The following C10orf90 variants were observed in gnomAD, a reference collection of about 807,000 sequenced individuals.
C10orf90 encodes (E2-independent) E3 ubiquitin-conjugating enzyme FATS.
C10orf90 carries 56 observed loss-of-function variants against 62.5 expected under a neutral mutation model. The observed-to-expected ratio is 0.90, with a 90% CI of 0.72 to 1.12. The LOEUF (loss-of-function observed/expected upper bound fraction) is 1.12, where lower values mean the gene tolerates loss of function less well. C10orf90 is among the 50% of genes most tolerant of loss of function. The probability of loss-of-function intolerance (pLI) is 0.00; values close to 1 mark genes in which losing one functional copy is unlikely to be tolerated. For synonymous variants in C10orf90, 386 were observed against 340.4 expected, an observed-to-expected ratio of 1.13 and a Z score of -1.47; for missense variants, 970 against 880.4, an observed-to-expected ratio of 1.10 and a Z score of -1.29.
At chr10:126,602,931 T>C (rs188791688) in intron 2 of C10orf90, among the ~76,000 whole-genome samples, 1 of 151,768 alleles carries the variant, frequency 6.6e-6, no homozygotes, top group East Asian at 1.9e-4. Flanking sequence ...CACCTGCAGA[T>C]TGGCAACTCG....
At chr10:126,598,257 G>A (rs74158843) in intron 2 of C10orf90, among the ~76,000 whole-genome samples, 3,292 of 151,894 alleles carry the variant, frequency 0.022, 106 homozygotes, top group African/African-American at 0.074. Flanking sequence ...CCCTTCTCCA[G>A]CAGCTGTAGG....
intron 2 of C10orf90, among the ~76,000 whole-genome samples, chr10:126,584,312 G>A (rs558567095): frequency 6.0e-5 from 9 of 151,060 alleles, no homozygotes; most frequent in South Asian, 4.2e-4. Flanking sequence ...CCACCTGCTC[G>A]TCCATCTGCC....
chr10:126,542,427 C>T (rs1303635729), intron 2 of C10orf90, among the ~76,000 whole-genome samples: 1 of 152,012 alleles, frequency 6.6e-6, no homozygotes, highest in Non-Finnish European at 1.5e-5. Context: ...TGCTTGAACT[C>T]GGGAGGTGGA....
intron 2 of C10orf90, among the ~76,000 whole-genome samples, chr10:126,559,610 C>T (rs1864857060): frequency 6.6e-6 from 1 of 152,170 alleles, no homozygotes; most frequent in Non-Finnish European, 1.5e-5. Flanking sequence ...CCTTCTGCCT[C>T]CGCCTGGTTG....
intron 2 of C10orf90, among the ~76,000 whole-genome samples, chr10:126,637,449 A>C (rs1431004375): frequency 5.9e-5 from 9 of 152,150 alleles, no homozygotes; most frequent in African/African-American, 2.2e-4. Context: ...TGGCAAGCAA[A>C]ATCAGACAGG....
intron 2 of C10orf90, among the ~76,000 whole-genome samples, chr10:126,623,396 A>G (rs1845683292): frequency 6.6e-6 from 1 of 152,142 alleles, no homozygotes; most frequent in Non-Finnish European, 1.5e-5. Context: ...GTCTCTCAAC[A>G]TTACTTTATC....
intron 7 of C10orf90, among the ~76,000 whole-genome samples, chr10:126,440,318 C>A (rs1358629474): frequency 4.6e-5 from 7 of 152,128 alleles, no homozygotes. Context: ...GAGCCATAAT[C>A]CTCCTAGGTA....
chr10:126,479,102 C>T (rs956795502), intron 4 of C10orf90, among the ~76,000 whole-genome samples: 9 of 152,040 alleles, frequency 5.9e-5, no homozygotes, highest in African/African-American at 1.9e-4. Context: ...CCCGCTGTAC[C>T]GCAGGGTGTG....
intron 2 of C10orf90, among the ~76,000 whole-genome samples, chr10:126,565,437 T>TACACAC (rs71032507): frequency 1.4e-5 from 1 of 72,444 alleles, no homozygotes; most frequent in Admixed American, 2.3e-4. Context: ...ATATATATTA[T>TACACAC]ACACACACAC....
At chr10:126,661,306 G>T (rs560901060) in intron 1 of C10orf90, among the ~76,000 whole-genome samples, 2 of 152,126 alleles carry the variant, frequency 1.3e-5, no homozygotes, top group East Asian at 3.9e-4. Flanking sequence ...CAATTCCAAG[G>T]CTCAACCCTT....
At chr10:126,639,969 G>A (rs761159353) in intron 2 of C10orf90, among the ~76,000 whole-genome samples, 14 of 152,154 alleles carry the variant, frequency 9.2e-5, no homozygotes, top group Non-Finnish European at 1.2e-4. Context: ...GAAGCACAGC[G>A]GCTCTTCATA....
chr10:126,586,090 G>A (rs1844864900), intron 2 of C10orf90, among the ~76,000 whole-genome samples: 1 of 152,166 alleles, frequency 6.6e-6, no homozygotes, highest in Non-Finnish European at 1.5e-5. Context: ...CAAAATTTAA[G>A]TTGTTACATG....
intron 5 of C10orf90, among the ~76,000 whole-genome samples, chr10:126,462,915 T>C (rs1860078236): frequency 6.6e-6 from 1 of 152,216 alleles, no homozygotes; most frequent in Admixed American, 6.5e-5. Flanking sequence ...CTTTGGAGTC[T>C]CTACCAACAG....
chr10:126,600,180 CGTGTGTGTGCATCGCAT>C (rs1201932847), intron 2 of C10orf90, among the ~76,000 whole-genome samples: 2 of 152,062 alleles, frequency 1.3e-5, no homozygotes, highest in Non-Finnish European at 2.9e-5. Context: ...TGTGTGCACA[CGTGTGTGTGCATCGCAT>C]GTGTGTGCAG....
chr10:126,565,222 TATTACATATTATGTAATATAATATTTA>T (rs1477182581), intron 2 of C10orf90, among the ~76,000 whole-genome samples: 4,070 of 63,674 alleles, frequency 0.064, 661 homozygotes, highest in Middle Eastern at 0.1. Context: ...ATAATTTTTA[TATTACATATTATGTAATATAATATTTA>T]TTATATTATA....
intron 2 of C10orf90, among the ~76,000 whole-genome samples, chr10:126,589,012 A>C (rs1844929332): frequency 6.6e-6 from 1 of 152,232 alleles, no homozygotes; most frequent in South Asian, 2.1e-4. Flanking sequence ...GAGGAGCATA[A>C]CTGACCTGAT....
intron 7 of C10orf90, among the ~76,000 whole-genome samples, chr10:126,455,421 A>C (rs1021303485): frequency 4.6e-5 from 7 of 152,166 alleles, no homozygotes; most frequent in Non-Finnish European, 1.0e-4. Flanking sequence ...CAACCTTGGC[A>C]AACTCCTTTC....
chr10:126,612,047 G>A (rs72839074), intron 2 of C10orf90, among the ~76,000 whole-genome samples: 30,776 of 152,196 alleles, frequency 0.2, 3,229 homozygotes, highest in South Asian at 0.34. Context: ...TCGGCCAGAC[G>A]CTGTGGCTCA....
chr10:126,574,526 G>T (rs1035403108), intron 2 of C10orf90, among the ~76,000 whole-genome samples: 1 of 151,776 alleles, frequency 6.6e-6, no homozygotes, highest in Non-Finnish European at 1.5e-5. Flanking sequence ...CAAAATATCA[G>T]CAAATCAAAG....
Sources: allele counts gnomAD v4.1 joint callset (sites outside exome capture counted in the v4.1 genomes callset), GRCh38; gene constraint gnomAD v4.1.1; transcripts MANE v1.5; gene names NCBI Gene and HGNC (gene_info 2026-07-23, HGNC 2026-07-21).